PKNOX2: variants seen among roughly 807,000 people sequenced by gnomAD.
PKNOX2 encodes PBX/knotted 1 homeobox 2.
Under a neutral mutation model 53.1 loss-of-function variants are expected in PKNOX2, and 14 were observed. The ratio of observed to expected loss-of-function variants is 0.26; its 90% CI spans 0.17 to 0.41. PKNOX2 has a LOEUF of 0.41. Ranked by LOEUF, PKNOX2 falls within the 10% of genes least tolerant of loss-of-function variation. The pLI, the probability that PKNOX2 is intolerant of heterozygous loss-of-function variation, is 1.00. For synonymous variants in PKNOX2, 257 were observed against 242.8 expected (o/e 1.06, Z -0.54); for missense variants, 496 against 602.8 (o/e 0.82, Z 1.85).
intron 11 of PKNOX2, among the ~76,000 whole-genome samples, 153 bp from the exon 12 acceptor site, chr11:125,429,810 C>G (rs569695870): frequency 1.3e-4 from 20 of 152,326 alleles, no homozygotes; most frequent in Admixed American, 8.5e-4. Context: ...TCTCAGCACC[C>G]AGGGCCCTCC....
chr11:125,423,962 C>A (rs891217408), intron 10 of PKNOX2, among the ~76,000 whole-genome samples: 1 of 152,182 alleles, frequency 6.6e-6, no homozygotes, highest in Admixed American at 6.5e-5. Flanking sequence ...TACAGTTAAA[C>A]AGAGCCAGCA....
intron 2 of PKNOX2, among the ~76,000 whole-genome samples, chr11:125,271,482 A>G (rs1005317507): frequency 2.0e-5 from 3 of 152,152 alleles, no homozygotes; most frequent in African/African-American, 7.2e-5. Flanking sequence ...CTCCATCCCA[A>G]GGCAGAGTGC....
At chr11:125,318,273 A>ATTTTTTTTTTTT (rs906412845) in intron 2 of PKNOX2, among the ~76,000 whole-genome samples, 7 of 133,404 alleles carry the variant, frequency 5.2e-5, no homozygotes, top group African/African-American at 1.4e-4. Context: ...TGCCTGGCTA[A>ATTTTTTTTTTTT]TTTTTTTTTT....
chr11:125,196,287 CTT>C, intron 1 of PKNOX2, among the ~76,000 whole-genome samples: 1 of 152,264 alleles, frequency 6.6e-6, no homozygotes, highest in South Asian at 2.1e-4. Context: ...GTCACTGACT[CTT>C]GTGCGTGCTG....
chr11:125,216,440 G>T (rs1262576163), intron 1 of PKNOX2, among the ~76,000 whole-genome samples: 1 of 152,196 alleles, frequency 6.6e-6, no homozygotes, highest in East Asian at 1.9e-4. Context: ...CTGGTAGGGG[G>T]GTGAGTCCCG....
At chr11:125,301,559 A>C (rs758801673) in intron 2 of PKNOX2, among the ~76,000 whole-genome samples, 3 of 152,142 alleles carry the variant, frequency 2.0e-5, no homozygotes, top group Non-Finnish European at 4.4e-5. Flanking sequence ...GGACTCCTGC[A>C]TAAAGAGATG....
At chr11:125,196,971 G>A (rs1937778658) in intron 1 of PKNOX2, among the ~76,000 whole-genome samples, 1 of 152,156 alleles carries the variant, frequency 6.6e-6, no homozygotes, top group Admixed American at 6.5e-5. Flanking sequence ...ACCCTATTGG[G>A]TAAAGCCGTA....
At chr11:125,291,509 C>T (rs960989244) in intron 2 of PKNOX2, among the ~76,000 whole-genome samples, 2 of 152,166 alleles carry the variant, frequency 1.3e-5, no homozygotes, top group Non-Finnish European at 2.9e-5. Context: ...CTTAGTGGTT[C>T]CTCCAAATTG....
intron 1 of PKNOX2, among the ~76,000 whole-genome samples, chr11:125,214,571 C>T (rs1286101001): frequency 6.6e-6 from 1 of 152,094 alleles, no homozygotes; most frequent in Non-Finnish European, 1.5e-5. Flanking sequence ...TTTGCCTGGG[C>T]TGGCCCTGCC....
chr11:125,180,232 C>A (rs1180489717), intron 1 of PKNOX2, among the ~76,000 whole-genome samples: 1 of 152,184 alleles, frequency 6.6e-6, no homozygotes, highest in Non-Finnish European at 1.5e-5. Flanking sequence ...AAAATGAAAT[C>A]CCTTTTGTCC....
intron 1 of PKNOX2, among the ~76,000 whole-genome samples, chr11:125,192,312 A>G (rs903502092): frequency 3.3e-5 from 5 of 152,172 alleles, no homozygotes; most frequent in Admixed American, 3.3e-4. Context: ...GGGCAGAGCT[A>G]TGCACTCATT....
chr11:125,197,691 G>T (rs1937898163), intron 1 of PKNOX2, among the ~76,000 whole-genome samples: 1 of 152,206 alleles, frequency 6.6e-6, no homozygotes, highest in South Asian at 2.1e-4. Flanking sequence ...CACAGCTGAG[G>T]CTCTGGCAGG....
chr11:125,233,871 T>C (rs373098577), intron 1 of PKNOX2, among the ~76,000 whole-genome samples: 31 of 152,238 alleles, frequency 2.0e-4, no homozygotes, highest in Non-Finnish European at 3.1e-4. Flanking sequence ...CAAGTCCTTG[T>C]TGAACATCCT....
At chr11:125,387,903 C>T (rs911636071) in intron 6 of PKNOX2, among the ~76,000 whole-genome samples, 2 of 152,040 alleles carry the variant, frequency 1.3e-5, no homozygotes, top group Admixed American at 1.3e-4. Flanking sequence ...TGACTTAACT[C>T]CTTTGAAGCT....
intron 2 of PKNOX2, among the ~76,000 whole-genome samples, chr11:125,329,769 G>A (rs535221291): frequency 1.3e-5 from 2 of 152,298 alleles, no homozygotes; most frequent in South Asian, 2.1e-4. Context: ...AGTTGTGGAC[G>A]GGTTTGGAGA....
At chr11:125,420,303 A>G (rs1049525490) in intron 10 of PKNOX2, among the ~76,000 whole-genome samples, 1 of 151,624 alleles carries the variant, frequency 6.6e-6, no homozygotes, top group African/African-American at 2.4e-5. Context: ...CGAGGTGGGC[A>G]GATCATGAGG....
chr11:125,412,839 A>AAAG (rs1215721793), intron 10 of PKNOX2, among the ~76,000 whole-genome samples: 1 of 152,160 alleles, frequency 6.6e-6, no homozygotes, highest in Non-Finnish European at 1.5e-5. Flanking sequence ...GAGGAGAAAA[A>AAAG]TCGAATGGGC....
At chr11:125,407,340 GC>G (rs1175197337) in intron 7 of PKNOX2, among the ~76,000 whole-genome samples, 24 of 152,166 alleles carry the variant, frequency 1.6e-4, no homozygotes, top group Admixed American at 1.4e-3. Flanking sequence ...CTCACCCTCT[GC>G]CTTTGGCTAG....
At chr11:125,326,564 C>T (rs569531529) in intron 2 of PKNOX2, among the ~76,000 whole-genome samples, 6 of 152,290 alleles carry the variant, frequency 3.9e-5, no homozygotes, top group East Asian at 1.9e-4. Flanking sequence ...ATAAACAAGT[C>T]GATGAATTAT....
Sources: gnomAD v4.1 joint callset for allele counts (sites outside exome capture counted in the v4.1 genomes callset) on GRCh38, gnomAD v4.1.1 for gene constraint, MANE v1.5 for transcripts, NCBI Gene and HGNC (gene_info 2026-07-23, HGNC 2026-07-21) for gene names.